EYS: variants seen among roughly 807,000 people sequenced by gnomAD.
EYS encodes the protein protein eyes shut homolog.
In EYS, 250 loss-of-function variants were observed where a neutral mutation model predicts 282.1. The observed-to-expected ratio is 0.89, with a 90% CI of 0.80 to 0.98. EYS has a LOEUF of 0.98. Ranked by LOEUF, EYS falls within the 50% of genes least tolerant of loss-of-function variation. EYS has a pLI of 0.00. For synonymous variants in EYS, 1,355 were observed against 1,282.9 expected (o/e 1.06, Z -1.20); for missense variants, 4,016 against 3,709.0 (o/e 1.08, Z -2.15).
intron 13 of EYS, among the ~76,000 whole-genome samples, chr6:65,018,546 C>T (rs979132595): frequency 6.6e-6 from 1 of 152,054 alleles, no homozygotes; most frequent in Non-Finnish European, 1.5e-5. Flanking sequence ...ATCCTATTTC[C>T]AAATAAGGTA....
rs775515970 is a variant in EYS, at chr6:64,813,381, C to T, written c.3440G>A (p.Cys1147Tyr). 1.3e-6 allele frequency: 2 copies of T among 1,539,548 alleles called. No homozygotes were observed. Among genetic ancestry groups the T allele is most frequent in the South Asian group, 2.5e-5 (2 of 81,542 alleles). The change falls in exon 22 of 43, where the codon TGC becomes TAC. Residue 1147 changes from cysteine (C) to tyrosine (Y), a missense_variant. Transcript: ENST00000503581. ...TTGTGGGTAAATAAATACTGACCTG[C>T]AGTCAAAAGTATGTCCAGGCCCATC... Reference protein sequence around the residue: ...CVDGPGHTFDCRCLPGFSGQF... With the variant: ...CVDGPGHTFDYRCLPGFSGQF...
At chr6:64,387,474 TAGTTATGAAATAAG>T (rs1772951373) in intron 29 of EYS, among the ~76,000 whole-genome samples, 1 of 152,128 alleles carries the variant, frequency 6.6e-6, no homozygotes, top group African/African-American at 2.4e-5. Flanking sequence ...GGAAAAAGTA[TAGTTATGAAATAAG>T]AGGACAAATG....
At chr6:64,225,582 A>G (rs1766229972) in intron 31 of EYS, among the ~76,000 whole-genome samples, 1 of 152,158 alleles carries the variant, frequency 6.6e-6, no homozygotes, top group Admixed American at 6.6e-5. Flanking sequence ...AGATGCAGAC[A>G]TCTTCTAGAA....
chr6:64,277,246 C>T (rs1317461605), intron 30 of EYS, among the ~76,000 whole-genome samples: 4 of 152,082 alleles, frequency 2.6e-5, no homozygotes, highest in African/African-American at 9.7e-5. Context: ...AACACAGTTG[C>T]AATTTCCACA....
At chr6:64,291,243 CAG>C (rs1411998277) in intron 30 of EYS, among the ~76,000 whole-genome samples, 2 of 151,914 alleles carry the variant, frequency 1.3e-5, no homozygotes. Flanking sequence ...ATAGTTTTAA[CAG>C]AGCTGTCATT....
chr6:65,531,697 G>T (rs1232486237), intron 2 of EYS, among the ~76,000 whole-genome samples: 1 of 152,146 alleles, frequency 6.6e-6, no homozygotes, highest in African/African-American at 2.4e-5. Flanking sequence ...AACACGGTTG[G>T]TATGAATTTG....
intron 33 of EYS, among the ~76,000 whole-genome samples, chr6:64,011,633 T>C (rs1768637799): frequency 6.6e-6 from 1 of 152,198 alleles, no homozygotes; most frequent in Non-Finnish European, 1.5e-5. Flanking sequence ...TGGATTTTTT[T>C]TTCTTTTTAA....
chr6:64,469,139 T>C (rs1203573080), intron 26 of EYS, among the ~76,000 whole-genome samples: 1 of 152,210 alleles, frequency 6.6e-6, no homozygotes, highest in Non-Finnish European at 1.5e-5. Flanking sequence ...CTTTTTTCTC[T>C]GCAACCTCGC....
chr6:64,324,193 A>C (rs548368715), intron 29 of EYS, among the ~76,000 whole-genome samples: 1 of 152,188 alleles, frequency 6.6e-6, no homozygotes, highest in African/African-American at 2.4e-5. Flanking sequence ...TGGAAACTTC[A>C]GGCCAATATC....
intron 26 of EYS, among the ~76,000 whole-genome samples, chr6:64,454,859 C>T (rs1775503579): frequency 6.6e-6 from 1 of 151,982 alleles, no homozygotes; most frequent in Non-Finnish European, 1.5e-5. Context: ...TAGATGTCTC[C>T]CTTATATGAC....
At chr6:64,820,990 A>T (rs982969618) in intron 21 of EYS, among the ~76,000 whole-genome samples, 1 of 152,010 alleles carries the variant, frequency 6.6e-6, no homozygotes, top group African/African-American at 2.4e-5. Context: ...TCCCTTTACC[A>T]TGTTATTGTC....
intron 29 of EYS, among the ~76,000 whole-genome samples, chr6:64,354,565 A>G (rs1266747543): frequency 6.6e-6 from 1 of 151,538 alleles, no homozygotes; most frequent in East Asian, 2.0e-4. Context: ...AAAAATAGCC[A>G]TGATTTTCTC....
At chr6:65,405,032 A>G in intron 6 of EYS, 142 bp downstream of exon 6, 1 of 578,322 alleles carries the variant, frequency 1.7e-6, no homozygotes, top group Non-Finnish European at 3.0e-6. Context: ...GAAAAATTAA[A>G]ATAAGTAGAC....
At chr6:65,515,165 A>T (rs1215869112) in intron 2 of EYS, among the ~76,000 whole-genome samples, 1 of 152,198 alleles carries the variant, frequency 6.6e-6, no homozygotes. Context: ...GAAGACATTT[A>T]TCCAGCCAAA....
intron 26 of EYS, among the ~76,000 whole-genome samples, chr6:64,463,499 A>T (rs1222535410): frequency 6.6e-6 from 1 of 152,198 alleles, no homozygotes; most frequent in Non-Finnish European, 1.5e-5. Context: ...AATTGCCTTG[A>T]TAATAATTTT....
At chr6:64,166,929 G>A (rs962210749) in intron 31 of EYS, among the ~76,000 whole-genome samples, 1 of 152,072 alleles carries the variant, frequency 6.6e-6, no homozygotes, top group Non-Finnish European at 1.5e-5. Flanking sequence ...CACTCTCACT[G>A]TGATAAAAAT....
At chr6:64,802,075 C>G (rs569403567) in intron 22 of EYS, among the ~76,000 whole-genome samples, 13 of 140,046 alleles carry the variant, frequency 9.3e-5, no homozygotes, top group African/African-American at 2.7e-5. Context: ...ACTCTGTCGC[C>G]CAGCCTGGAG....
intron 12 of EYS, among the ~76,000 whole-genome samples, chr6:65,146,121 T>G (rs540113965): frequency 6.6e-6 from 1 of 151,824 alleles, no homozygotes; most frequent in Non-Finnish European, 1.5e-5. Flanking sequence ...AAAGTAAATA[T>G]AGCACTATTT....
chr6:64,294,612 G>A (rs989356578), intron 30 of EYS, among the ~76,000 whole-genome samples: 1 of 152,152 alleles, frequency 6.6e-6, no homozygotes, highest in African/African-American at 2.4e-5. Flanking sequence ...ACAAATTAGT[G>A]GAGAGCTTCA....
Sources: allele counts gnomAD v4.1 joint callset (sites outside exome capture counted in the v4.1 genomes callset), GRCh38; gene constraint gnomAD v4.1.1; transcripts MANE v1.5; gene names NCBI Gene and HGNC (gene_info 2026-07-23, HGNC 2026-07-21).